ACCS: variants seen among roughly 807,000 people sequenced by gnomAD.
ACCS encodes the protein 1-aminocyclopropane-1-carboxylate synthase-like protein 1.
ACCS carries 42 observed loss-of-function variants against 59.8 expected under a neutral mutation model. That is an observed-to-expected ratio of 0.70 (90% confidence interval 0.55 to 0.91). ACCS has a LOEUF of 0.91. ACCS is among the 40% of genes least tolerant of loss of function. The pLI, the probability that ACCS is intolerant of heterozygous loss-of-function variation, is 0.00. For synonymous variants in ACCS, 230 were observed against 240.3 expected (o/e 0.96, Z 0.40); for missense variants, 602 against 630.4 (o/e 0.95, Z 0.48).
intron 3 of ACCS, 80 bp downstream of exon 3, chr11:44,071,395 T>G: frequency 6.5e-7 from 1 of 1,528,366 alleles, no homozygotes. Flanking sequence ...AACAGGAGCC[T>G]GCTGCTTGGC....
chr11:44,082,862 T>C (rs1366444260), intron 12 of ACCS, among the ~76,000 whole-genome samples: 1 of 152,130 alleles, frequency 6.6e-6, no homozygotes, highest in Non-Finnish European at 1.5e-5. Context: ...AGCATCACTC[T>C]GGAACTTTAG....
At chr11:44,075,183 A>T (rs981158451) in intron 5 of ACCS, among the ~76,000 whole-genome samples, 1 of 152,078 alleles carries the variant, frequency 6.6e-6, no homozygotes, top group Non-Finnish European at 1.5e-5. Flanking sequence ...TGCCCTTCAC[A>T]TAGTTTTGAC....
In ACCS at chr11:44,077,336, A is replaced by G. The variant is rs1003752903; in HGVS notation, c.614A>G (p.Tyr205Cys). ...YGAITQHVCL[Y>C]GNIRLAYVYL... ...GCTATCACACAGCACGTGTGTCTCT[A>G]TGGCAACATCCGGCTGGCCTATGTC... The change falls in exon 7 of 15, where the codon TAT becomes TGT. Residue 205 changes from tyrosine (Y) to cysteine (C), a missense_variant. Coordinates refer to ENST00000263776, the MANE Select transcript of ACCS (RefSeq NM_032592.4). 3 of 1,613,980 alleles carry G rather than the reference A, an allele frequency of 1.9e-6. No homozygotes were observed. The highest frequency in any genetic ancestry group is 2.7e-5 in the African/African-American group (2 of 74,898).
chr11:44,081,401 C>T, intron 12 of ACCS, 81 bp downstream of exon 12: 1 of 1,560,042 alleles, frequency 6.4e-7, no homozygotes, highest in Non-Finnish European at 8.7e-7. Flanking sequence ...ATAGATACTT[C>T]TCCTATGAGA....
chr11:44,075,536 T>C lies in ACCS; in HGVS notation c.500T>C (p.Leu167Pro), dbSNP rs776240112. 3 of 1,614,186 alleles carry C rather than the reference T, an allele frequency of 1.9e-6. No individual in the cohort carries two copies. Among genetic ancestry groups the C allele is most frequent in the Admixed American group, 3.3e-5 (2 of 60,026 alleles). The part of the protein sequence containing the change: ...VPLRPENVVV[L>P]NGGASLFSAL... Reference sequence around the variant, plus strand: ...ATATGTCGCCCTTAGGTGGTTGTCCTGAATGGTGGTGCCTCGCTCTTCTCT... The same window carrying C: ...ATATGTCGCCCTTAGGTGGTTGTCCCGAATGGTGGTGCCTCGCTCTTCTCT... The change falls in exon 6 of 15, where the codon CTG becomes CCG. Residue 167 changes from leucine (L) to proline (P), a missense_variant. Coordinates refer to ENST00000263776, the MANE Select transcript of ACCS (RefSeq NM_032592.4).
chr11:44,082,188 G>A (rs1336272482), intron 12 of ACCS: 2 of 139,610 alleles, frequency 1.4e-5, no homozygotes, highest in South Asian at 2.3e-4. Context: ...ACTGCTGGTA[G>A]GAGTGTAAGT....
chr11:44,081,006 T>C lies in ACCS; in HGVS notation c.924-14T>C. The C allele has an allele frequency of 1.9e-6, 3 of 1,614,192 alleles. No homozygotes were observed. Among genetic ancestry groups the C allele is most frequent in the Non-Finnish European group, 2.5e-6 (3 of 1,180,032 alleles). Reference sequence around the variant, plus strand: ...TTCTGTGTTGCCTCTGTTCCCATGCTGTGCTCTCTGCAGGCTCCCTGACCC... The same window carrying C: ...TTCTGTGTTGCCTCTGTTCCCATGCCGTGCTCTCTGCAGGCTCCCTGACCC... On this transcript the variant is annotated splice_polypyrimidine_tract_variant and intron_variant, in intron 10 of 14. Transcript: ENST00000263776.
chr11:44,067,779 G>T lies in ACCS; in HGVS notation c.152G>T (p.Gly51Val). 1.9e-6 allele frequency: 3 copies of T among 1,614,178 alleles called. No homozygotes were observed. Among genetic ancestry groups the T allele is most frequent in the Non-Finnish European group, 2.5e-6 (3 of 1,180,024 alleles). ...DQKLPELRGV[G>V]DPAMISSDTS... The stretch of plus-strand genomic sequence containing the variant: ...AAGCTGCCAGAGCTCCGTGGAGTGG[G>T]TGATCCTGCCATGATCTCCTCTGAT... Residue 51 changes from glycine to valine, a missense_variant, in exon 2 of 15, where the codon GGT (glycine) becomes GTT (valine). Physicochemically the swap from Gly to Val is moderately radical, Grantham distance 109. Transcript: ENST00000263776.
In ACCS at chr11:44,083,429, G is replaced by T; in HGVS notation, c.1260G>T (p.Leu420=). 6.2e-7 allele frequency: 1 copy of T among 1,614,158 alleles called. No individual in the cohort carries two copies. Among genetic ancestry groups the T allele is most frequent in the South Asian group, 1.1e-5 (1 of 91,076 alleles). ...FFIWVDLRKY[L]PKGTFEEEML... is the part of the protein sequence containing the mutation. Reference sequence around the variant, plus strand: ...AGCCCCTTCCACCCTCTCAGTACCTGCCCAAGGGCACCTTTGAGGAGGAAA... The same window carrying T: ...AGCCCCTTCCACCCTCTCAGTACCTTCCCAAGGGCACCTTTGAGGAGGAAA... The change falls in exon 14 of 15, where the codon CTG becomes CTT. Residue 420 remains leucine, a synonymous_variant. Coordinates refer to ENST00000263776, the MANE Select transcript of ACCS (RefSeq NM_032592.4).
At chr11:44,069,410 T>C (rs1399133313) in intron 2 of ACCS, among the ~76,000 whole-genome samples, 1 of 152,188 alleles carries the variant, frequency 6.6e-6, no homozygotes, top group East Asian at 1.9e-4. Context: ...AGAGACAGGG[T>C]TTTGCCATGT....
chr11:44,077,480 A>T, intron 7 of ACCS, 104 bp downstream of exon 7: 1 of 1,558,880 alleles, frequency 6.4e-7, no homozygotes, highest in Non-Finnish European at 8.7e-7. Context: ...TGGGGTTGTG[A>T]TGAGTAGGGA....
chr11:44,079,729 T>G, intron 10 of ACCS, 109 bp downstream of exon 10: 3 of 932,446 alleles, frequency 3.2e-6, no homozygotes, highest in Non-Finnish European at 4.9e-6. Context: ...CAATTCCATT[T>G]CCACCCAGCT....
intron 2 of ACCS, among the ~76,000 whole-genome samples, chr11:44,069,645 T>C (rs1466193701): frequency 6.6e-6 from 1 of 152,232 alleles, no homozygotes; most frequent in Non-Finnish European, 1.5e-5. Context: ...GAGGCTCTAC[T>C]TCCAATGACA....
Position 44,075,510 on chromosome 11 carries a change from G to A in ACCS, c.490-16G>A, listed in dbSNP as rs776207337. The A allele has an allele frequency of 6.2e-7, 1 of 1,613,766 alleles. No individual in the cohort carries two copies. Among genetic ancestry groups the A allele is most frequent in the Non-Finnish European group, 8.5e-7 (1 of 1,179,674 alleles). On this transcript the variant is annotated splice_polypyrimidine_tract_variant and intron_variant, in intron 5 of 14. Transcript: ENST00000263776. Reference sequence around the variant, plus strand: ...GGAACTGGTTCATCTTCATCCCTTGGATATGTCGCCCTTAGGTGGTTGTCC... The same window carrying A: ...GGAACTGGTTCATCTTCATCCCTTGAATATGTCGCCCTTAGGTGGTTGTCC...
intron 12 of ACCS, among the ~76,000 whole-genome samples, chr11:44,082,685 A>G (rs547535299): frequency 2.0e-5 from 3 of 152,230 alleles, no homozygotes; most frequent in South Asian, 2.1e-4. Flanking sequence ...CATCCTGACT[A>G]TGGTGGTGGT....
In ACCS at chr11:44,071,470, T is replaced by G; in HGVS notation, c.348+155T>G. Reference sequence around the variant, plus strand: ...AGGCCTACCTTGGGACAGTTTTCTGTGTGATCTTAGGTGAGTTTCTTCCCC... The same window carrying G: ...AGGCCTACCTTGGGACAGTTTTCTGGGTGATCTTAGGTGAGTTTCTTCCCC... On this transcript the variant is annotated intron_variant, in intron 3 of 14. Transcript: ENST00000263776. 6.9e-6 allele frequency: 5 copies of G among 726,012 alleles called. No homozygotes were observed. The South Asian group carries it at 9.1e-5, about 13-fold the overall frequency. The allele number at this position is 726,012 out of a possible 1,614,324, so 45.0% of individuals were successfully genotyped here. A position where few individuals can be genotyped will look rare whatever the true frequency, so the allele number is the denominator to read the frequency against.
Position 44,077,272 on chromosome 11 carries a change from C to T in ACCS, c.557-7C>T, listed in dbSNP as rs747423544. 6.2e-6 allele frequency: 10 copies of T among 1,612,762 alleles called. No homozygotes were observed. The East Asian group carries it at 1.3e-4, about 22-fold the overall frequency. On this transcript the variant is annotated splice_region_variant and splice_polypyrimidine_tract_variant and intron_variant, in intron 6 of 14. Transcript: ENST00000263776. The stretch of plus-strand genomic sequence containing the variant: ...AGTGACAGGCCCTCGCCCACTCCTG[C>T]CCCCAGAGGCTTTCCTGATCCCCAC...
At chr11:44,078,908 T>G (rs1953505231) in intron 9 of ACCS, 124 bp downstream of exon 9, 1 of 732,032 alleles carries the variant, frequency 1.4e-6, no homozygotes, top group Admixed American at 2.6e-5. Flanking sequence ...GGGCCCTTCC[T>G]TGGCAGTGGA....
At chr11:44,075,682 T>A (rs147601759) in intron 6 of ACCS, 90 bp downstream of exon 6, 2 of 1,461,324 alleles carry the variant, frequency 1.4e-6, no homozygotes, top group African/African-American at 1.4e-5. Flanking sequence ...TGCAATAGTA[T>A]GCTTTCGGGC....
Sources: allele counts gnomAD v4.1 joint callset (sites outside exome capture counted in the v4.1 genomes callset), GRCh38; gene constraint gnomAD v4.1.1; transcripts MANE v1.5; gene names NCBI Gene and HGNC (gene_info 2026-07-23, HGNC 2026-07-21).